FAM13B: variants seen among roughly 807,000 people sequenced by gnomAD.
FAM13B encodes the protein family with sequence similarity 13 member B.
Under a neutral mutation model 117.3 loss-of-function variants are expected in FAM13B, and 60 were observed. The observed-to-expected ratio is 0.51, with a 90% CI of 0.42 to 0.63. FAM13B has a LOEUF of 0.63. Ranked by LOEUF, FAM13B falls within the 30% of genes least tolerant of loss-of-function variation. FAM13B has a pLI of 0.00. For missense variants in FAM13B, 972 were observed against 1,091.9 expected (o/e 0.89, Z 1.55); for synonymous variants, 332 against 356.1 (o/e 0.93, Z 0.76).
At chr5:138,049,481 CA>C (rs1791739815) in intron 1 of FAM13B, among the ~76,000 whole-genome samples, 1 of 151,590 alleles carries the variant, frequency 6.6e-6, no homozygotes, top group South Asian at 2.1e-4. Context: ...CCCTGTTGGT[CA>C]GGCTGGTCTT....
chr5:137,987,149 T>C (rs751177437), intron 9 of FAM13B, among the ~76,000 whole-genome samples: 1 of 152,204 alleles, frequency 6.6e-6, no homozygotes, highest in Non-Finnish European at 1.5e-5. Flanking sequence ...AGTCTAATTT[T>C]TTAAAGTTAT....
chr5:138,006,745 C>T (rs1039367057), intron 7 of FAM13B, among the ~76,000 whole-genome samples: 1 of 152,148 alleles, frequency 6.6e-6, no homozygotes, highest in Non-Finnish European at 1.5e-5. Context: ...AATTAATAAG[C>T]TAATACAAAA....
intron 1 of FAM13B, among the ~76,000 whole-genome samples, chr5:138,048,318 ATATATACATGGTAAAAC>A (rs1159137604): frequency 1.3e-5 from 2 of 152,228 alleles, no homozygotes; most frequent in African/African-American, 4.8e-5. Context: ...TTAGAGATGC[ATATATACATGGTAAAAC>A]ACTAAAGAAA....
rs1760885936 is a variant in FAM13B, at chr5:137,938,918, GC to G, written c.*1306del. 6.6e-6 allele frequency: 1 copy of G among 151,952 alleles called. No homozygotes were observed. Among genetic ancestry groups the G allele is most frequent in the African/African-American group, 2.4e-5 (1 of 41,348 alleles). 9.4% of individuals were successfully genotyped at this position (151,952 alleles called of 1,614,324 possible). On this transcript the variant is annotated 3_prime_UTR_variant, in exon 24 of 24. Transcript: ENST00000689681. ...GTGAGACAGTCATCAATCCAAAAAA[GC>G]ACCAGAAAAAAAAGTTAACACTTAG...
chr5:138,042,312 A>G (rs1013315733), intron 1 of FAM13B, among the ~76,000 whole-genome samples: 2 of 152,214 alleles, frequency 1.3e-5, no homozygotes, highest in Non-Finnish European at 2.9e-5. Context: ...CTATCATTTT[A>G]GAAGTCAGAA....
In FAM13B at chr5:137,959,767, T is replaced by C. The variant is rs778703340; in HGVS notation, c.1294-4A>G. ...CACATATCTTGCTACTAGAATCCTG[T>C]ATTTTAAAATAAAGAATATATTTCA... On this transcript the variant is annotated splice_region_variant and splice_polypyrimidine_tract_variant and intron_variant, in intron 12 of 23. Coordinates refer to ENST00000689681, the MANE Select transcript of FAM13B (RefSeq NM_001385994.1). 7.4e-6 allele frequency: 12 copies of C among 1,612,724 alleles called. No individual in the cohort carries two copies. In the Admixed American group the frequency reaches 1.3e-4, roughly 18 times the overall value.
rs746484916 is a variant in FAM13B, at chr5:138,018,985, G to A, written c.127C>T (p.Arg43Cys). Residue 43 changes from arginine to cysteine, a missense_variant, in exon 3 of 24, where the codon CGC becomes TGC. Transcript: ENST00000689681. ...TCCTCAATATAGTCCACAACGTGGC[G>A]GACTATGAATGGAACCTCATTGTCT... ...HPDNEVPFIV[R>C]HVVDYIEEHG... 1.4e-5 allele frequency: 23 copies of A among 1,613,866 alleles called. No homozygotes were observed. Among genetic ancestry groups the A allele is most frequent in the Admixed American group, 1.3e-4 (8 of 59,978 alleles).
chr5:137,955,986 T>C (rs529390185), intron 14 of FAM13B, among the ~76,000 whole-genome samples: 1 of 152,160 alleles, frequency 6.6e-6, no homozygotes, highest in Non-Finnish European at 1.5e-5. Flanking sequence ...CTATTAGCAA[T>C]AGCGAAAATG....
chr5:137,954,560 T>TG, intron 14 of FAM13B, 184 bp from the exon 15 acceptor site: 1 of 317,812 alleles, frequency 3.1e-6, no homozygotes. Flanking sequence ...ATATATAATC[T>TG]TCATAAAGCC....
chr5:137,973,982 T>A (rs1293556001), intron 10 of FAM13B, among the ~76,000 whole-genome samples: 2 of 136,536 alleles, frequency 1.5e-5, no homozygotes, highest in Non-Finnish European at 3.1e-5. Context: ...TGTGGAGAAA[T>A]AGGAACACTT....
chr5:137,942,961 T>G lies in FAM13B; in HGVS notation c.2502A>C (p.Ser834=), dbSNP rs761479128. 3 of 1,613,728 alleles carry G rather than the reference T, an allele frequency of 1.9e-6. No homozygotes were observed. Among genetic ancestry groups the G allele is most frequent in the Non-Finnish European group, 2.5e-6 (3 of 1,179,800 alleles). ...MLKTAVQVQS[S]LENSESDVEE... ...CAACATCAGATTCAGAGTTTTCTAA[T>G]GAAGACTGTACCTGTACTGCAGTTT... The change falls in exon 22 of 24, where the codon TCA becomes TCC. Residue 834 remains serine, a synonymous_variant. Transcript: ENST00000689681.
intron 23 of FAM13B, among the ~76,000 whole-genome samples, chr5:137,940,980 G>A (rs777216413): frequency 1.3e-5 from 2 of 152,074 alleles, no homozygotes; most frequent in African/African-American, 2.4e-5. Flanking sequence ...ATCTCAGCTC[G>A]CTGCAAGCTC....
intron 10 of FAM13B, 111 bp downstream of exon 10, chr5:137,985,146 T>A (rs1339536263): frequency 5.7e-6 from 6 of 1,045,198 alleles, no homozygotes; most frequent in Non-Finnish European, 8.4e-6. Flanking sequence ...GGATTTATAA[T>A]TGAGACAATT....
chr5:138,015,378 A>C (rs1374040017), intron 4 of FAM13B, among the ~76,000 whole-genome samples: 1 of 152,240 alleles, frequency 6.6e-6, no homozygotes, highest in African/African-American at 2.4e-5. Flanking sequence ...ATTAACTGTC[A>C]TGTATTTGTG....
At chr5:137,947,417 C>T (rs1763732864) in intron 18 of FAM13B, among the ~76,000 whole-genome samples, 2 of 152,070 alleles carry the variant, frequency 1.3e-5, no homozygotes, top group African/African-American at 4.8e-5. Flanking sequence ...AAAGTTGTAG[C>T]AGGTAGGGGA....
chr5:137,970,205 A>G (rs1771641870), intron 10 of FAM13B, among the ~76,000 whole-genome samples: 1 of 151,950 alleles, frequency 6.6e-6, no homozygotes, highest in Admixed American at 6.6e-5. Context: ...AAGGGCAGCC[A>G]GAGAGAAAGG....
intron 7 of FAM13B, among the ~76,000 whole-genome samples, chr5:138,000,534 C>A (rs1210984736): frequency 6.6e-6 from 1 of 151,998 alleles, no homozygotes; most frequent in Admixed American, 6.6e-5. Flanking sequence ...GATTGTATAA[C>A]CAAAATATCT....
At chr5:138,023,926 C>T (rs1306721785) in intron 1 of FAM13B, among the ~76,000 whole-genome samples, 1 of 152,168 alleles carries the variant, frequency 6.6e-6, no homozygotes, top group Non-Finnish European at 1.5e-5. Context: ...TTCCAGAGGG[C>T]AGGCCTATGG....
Position 138,011,131 on chromosome 5 carries a change from T to G in FAM13B, c.567A>C (p.Glu189Asp), listed in dbSNP as rs1351607795. 1.9e-6 allele frequency: 3 copies of G among 1,606,876 alleles called. No individual in the cohort carries two copies. The highest frequency in any genetic ancestry group is 2.5e-6 in the Non-Finnish European group (3 of 1,178,606). Reference protein sequence around the residue: ...PDVFHIYTDVEDMKEQEIVSR... With the variant: ...PDVFHIYTDVDDMKEQEIVSR... ...TCACTATTTCTTGCTCTTTCATGTC[T>G]TCCACATCTGTGTAAATGCTAAGAA... Residue 189 changes from glutamate (E) to aspartate (D), a missense_variant, in exon 6 of 24, where the codon GAA (glutamate) becomes GAC (aspartate). Coordinates refer to ENST00000689681, the MANE Select transcript of FAM13B (RefSeq NM_001385994.1).
Sources: allele counts gnomAD v4.1 joint callset (sites outside exome capture counted in the v4.1 genomes callset), GRCh38; gene constraint gnomAD v4.1.1; transcripts MANE v1.5; gene names NCBI Gene and HGNC (gene_info 2026-07-23, HGNC 2026-07-21).